Variants in SH2D4A observed in about 807,000 individuals in gnomAD.
SH2D4A encodes the protein SH2 domain-containing protein 4A.
In SH2D4A, 70 loss-of-function variants were observed where a neutral mutation model predicts 64.7. That is an observed-to-expected ratio of 1.08 (90% confidence interval 0.89 to 1.32). SH2D4A has a LOEUF of 1.32. Among genes scored for constraint, SH2D4A ranks in the 40% most tolerant of loss-of-function variants. The pLI, the probability that SH2D4A is intolerant of heterozygous loss-of-function variation, is 0.00. For synonymous variants in SH2D4A, 268 were observed against 200.7 expected (o/e 1.34, Z -2.83); for missense variants, 706 against 540.1 (o/e 1.31, Z -3.04).
intron 8 of SH2D4A, among the ~76,000 whole-genome samples, chr8:19,388,226 A>G (rs1004108791): frequency 1.3e-5 from 2 of 152,246 alleles, no homozygotes; most frequent in Non-Finnish European, 2.9e-5. Context: ...GAGCCCTGGA[A>G]GTGTCATTTG....
intron 2 of SH2D4A, among the ~76,000 whole-genome samples, chr8:19,327,444 G>T (rs2052299225): frequency 6.6e-6 from 1 of 152,148 alleles, no homozygotes; most frequent in African/African-American, 2.4e-5. Flanking sequence ...CCTTAAGAAA[G>T]CACACTTAAG....
intron 2 of SH2D4A, among the ~76,000 whole-genome samples, chr8:19,326,311 G>A (rs909673240): frequency 4.6e-5 from 7 of 152,204 alleles, no homozygotes; most frequent in African/African-American, 1.7e-4. Context: ...TCAGGCATTT[G>A]TCTTCTGGTT....
intron 5 of SH2D4A, among the ~76,000 whole-genome samples, chr8:19,357,903 G>A (rs1563199880): frequency 6.6e-6 from 1 of 152,214 alleles, no homozygotes; most frequent in Non-Finnish European, 1.5e-5. Flanking sequence ...AGCAGCGTAA[G>A]ATGTGAGCCT....
chr8:19,383,953 C>T (rs2153651464), intron 8 of SH2D4A, among the ~76,000 whole-genome samples: 1 of 152,210 alleles, frequency 6.6e-6, no homozygotes, highest in Non-Finnish European at 1.5e-5. Context: ...TAAAGTAAAT[C>T]AGCTGATATG....
At chr8:19,314,740 G>T (rs2052057416) in intron 1 of SH2D4A, among the ~76,000 whole-genome samples, 1 of 152,200 alleles carries the variant, frequency 6.6e-6, no homozygotes, top group Non-Finnish European at 1.5e-5. Context: ...TAAGTGGAAA[G>T]CATACAGGGG....
At chr8:19,314,122 C>T (rs1230775972) in intron 1 of SH2D4A, 1 of 172,256 alleles carries the variant, frequency 5.8e-6, no homozygotes, top group Non-Finnish European at 1.1e-5. Flanking sequence ...CAGGGGGTGG[C>T]GGGGGAACTT....
intron 2 of SH2D4A, among the ~76,000 whole-genome samples, chr8:19,321,452 G>A (rs1326351562): frequency 7.2e-5 from 11 of 152,128 alleles, no homozygotes; most frequent in East Asian, 3.9e-4. Flanking sequence ...GACCTCAAAC[G>A]ATCTGCCCAC....
chr8:19,321,628 A>C (rs1463271509), intron 2 of SH2D4A, among the ~76,000 whole-genome samples: 1 of 152,226 alleles, frequency 6.6e-6, no homozygotes, highest in African/African-American at 2.4e-5. Context: ...TCCTCCAACA[A>C]ATAACATGGC....
chr8:19,373,725 A>T, intron 8 of SH2D4A, 65 bp downstream of exon 8: 1 of 1,526,790 alleles, frequency 6.5e-7, no homozygotes, highest in Admixed American at 2.0e-5. Context: ...CTAATCTACC[A>T]GGAAGCCAGA....
At chr8:19,332,733 C>T (rs533788746) in intron 2 of SH2D4A, among the ~76,000 whole-genome samples, 1 of 150,914 alleles carries the variant, frequency 6.6e-6, no homozygotes, top group Non-Finnish European at 1.5e-5. Flanking sequence ...AAAAACATAC[C>T]CCTAATATTT....
At chr8:19,329,795 G>C (rs2052342076) in intron 2 of SH2D4A, among the ~76,000 whole-genome samples, 1 of 152,196 alleles carries the variant, frequency 6.6e-6, no homozygotes, top group South Asian at 2.1e-4. Context: ...ATCCATGTAA[G>C]ACGTTACAGG....
chr8:19,386,673 A>G (rs908933144), intron 8 of SH2D4A, among the ~76,000 whole-genome samples: 3 of 152,120 alleles, frequency 2.0e-5, no homozygotes, highest in African/African-American at 7.2e-5. Context: ...CTAAGAAGAG[A>G]GAGTCTGCTT....
rs1408134889 is a variant in SH2D4A at position 19,395,784 on chromosome 8, G to C, written c.*1142G>C. Reference sequence around the variant, plus strand: ...AGAATTCCAGACTCCAGAACTGGAAGAATAAATGTCTGTTGTTTTAAGCTG... The same window carrying C: ...AGAATTCCAGACTCCAGAACTGGAACAATAAATGTCTGTTGTTTTAAGCTG... On this transcript the variant is annotated 3_prime_UTR_variant, in exon 10 of 10. Transcript: ENST00000265807. 1 of 152,158 alleles carries C rather than the reference G, an allele frequency of 6.6e-6. No homozygotes were observed. The highest frequency in any genetic ancestry group is 1.5e-5 in the Non-Finnish European group (1 of 68,048). 9.4% of individuals were successfully genotyped at this position (152,158 alleles called of 1,614,324 possible). A position where few individuals can be genotyped will look rare whatever the true frequency, so the allele number is the denominator to read the frequency against.
chr8:19,313,887 G>A, intron 1 of SH2D4A, 64 bp downstream of exon 1: 1 of 1,380,632 alleles, frequency 7.2e-7, no homozygotes, highest in Non-Finnish European at 9.3e-7. Flanking sequence ...TAGGGGGAAG[G>A]GAATTTCCTC....
At position 19,361,847 on chromosome 8, in the gene SH2D4A, C is replaced by T. The variant is rs148097645; in HGVS notation, c.706+533C>T. Among the ~76,000 whole-genome samples, 1,307 of 152,098 alleles carry T rather than the reference C, an allele frequency of 8.6e-3. 12 individuals carry two copies. Among genetic ancestry groups the T allele is most frequent in the African/African-American group, 0.03 (1,238 of 41,488 alleles). ...ATTTTTGATAGTGAATACATTTTAA[C>T]TTTGTAATCAGAAGCACACAGGAAT... is the stretch of plus-strand genomic sequence containing the variant. On this transcript the variant is annotated intron_variant, in intron 6 of 9. Transcript: ENST00000265807.
intron 8 of SH2D4A, among the ~76,000 whole-genome samples, chr8:19,378,129 T>C (rs569479934): frequency 1.3e-3 from 199 of 152,330 alleles, no homozygotes; most frequent in African/African-American, 4.4e-3. Flanking sequence ...TTCTAATGAA[T>C]TGATTTTTTA....
At chr8:19,355,149 T>A (rs995694840) in intron 4 of SH2D4A, among the ~76,000 whole-genome samples, 1 of 152,008 alleles carries the variant, frequency 6.6e-6, no homozygotes, top group East Asian at 1.9e-4. Flanking sequence ...CTGCAATACT[T>A]GCGGGAGTAT....
intron 4 of SH2D4A, among the ~76,000 whole-genome samples, chr8:19,353,024 A>G (rs1400709126): frequency 1.3e-5 from 2 of 152,102 alleles, no homozygotes; most frequent in Non-Finnish European, 2.9e-5. Flanking sequence ...CAAAAACACA[A>G]TGACCAATAA....
chr8:19,367,346 AATT>A (rs2053014198), intron 7 of SH2D4A, among the ~76,000 whole-genome samples: 1 of 151,992 alleles, frequency 6.6e-6, no homozygotes, highest in African/African-American at 2.4e-5. Context: ...ATGGTATACT[AATT>A]TATATTCTTA....
Sources: gnomAD v4.1 joint callset for allele counts (sites outside exome capture counted in the v4.1 genomes callset) on GRCh38, gnomAD v4.1.1 for gene constraint, MANE v1.5 for transcripts, NCBI Gene and HGNC (gene_info 2026-07-23, HGNC 2026-07-21) for gene names.